The following ADGRV1 variants were observed in gnomAD, a reference collection of about 807,000 sequenced individuals.
ADGRV1 encodes G-protein coupled receptor 98.
In ADGRV1, 359 loss-of-function variants were observed where a neutral mutation model predicts 596.2. The ratio of observed to expected loss-of-function variants is 0.60; its 90% confidence interval spans 0.55 to 0.66. The LOEUF (loss-of-function observed/expected upper bound fraction) is 0.66. Ranked by LOEUF, ADGRV1 falls within the 30% of genes least tolerant of loss-of-function variation. The pLI, the probability that ADGRV1 is intolerant of heterozygous loss-of-function variation, is 0.00. For synonymous variants in ADGRV1, 2,681 were observed against 2,679.2 expected (o/e 1.00, Z -0.02); for missense variants, 7,274 against 7,575.6 (o/e 0.96, Z 1.48).
intron 9 of ADGRV1, among the ~76,000 whole-genome samples, chr5:90,631,855 A>G (rs1765540301): frequency 6.6e-6 from 1 of 152,212 alleles, no homozygotes; most frequent in Admixed American, 6.5e-5. Context: ...TTTAGAAACT[A>G]AAAACAAAAA....
chr5:91,153,468 C>A, intron 89 of ADGRV1, 70 bp downstream of exon 89: 1 of 1,183,806 alleles, frequency 8.4e-7, no homozygotes, highest in Non-Finnish European at 1.2e-6. Flanking sequence ...ATTTTCTTTC[C>A]ATGAAGTTGC....
intron 65 of ADGRV1, 97 bp downstream of exon 65, chr5:90,781,675 G>T (rs1204496179): frequency 6.1e-6 from 7 of 1,152,732 alleles, no homozygotes; most frequent in South Asian, 3.2e-5. Context: ...GTTTGGTGTG[G>T]GTGTGTGTGT....
At chr5:90,968,834 C>A (rs1328629654) in intron 84 of ADGRV1, among the ~76,000 whole-genome samples, 1 of 152,080 alleles carries the variant, frequency 6.6e-6, no homozygotes, top group Admixed American at 6.5e-5. Flanking sequence ...GATTCTACTT[C>A]ATTTTTTTAG....
At chr5:90,989,268 G>C (rs886327201) in intron 85 of ADGRV1, among the ~76,000 whole-genome samples, 2 of 152,100 alleles carry the variant, frequency 1.3e-5, no homozygotes, top group Non-Finnish European at 2.9e-5. Context: ...CAGTGTAAAA[G>C]TGTTCCTATT....
chr5:90,612,248 T>A (rs549615020), intron 1 of ADGRV1, among the ~76,000 whole-genome samples: 1 of 152,080 alleles, frequency 6.6e-6, no homozygotes, highest in Non-Finnish European at 1.5e-5. Flanking sequence ...AAGAGAGCTG[T>A]AGTGTCATTT....
intron 83 of ADGRV1, among the ~76,000 whole-genome samples, chr5:90,957,921 G>A (rs554306810): frequency 3.3e-4 from 50 of 151,580 alleles, no homozygotes; most frequent in Middle Eastern, 6.8e-3. Flanking sequence ...CAAGTCAAAA[G>A]GATAATATAT....
chr5:91,149,753 A>G (rs1473793181), intron 87 of ADGRV1, among the ~76,000 whole-genome samples: 2 of 142,776 alleles, frequency 1.4e-5, no homozygotes, highest in Non-Finnish European at 3.0e-5. Context: ...GAATCACTTG[A>G]GTCTGAGAGG....
At chr5:90,598,176 C>T (rs1461372370) in intron 1 of ADGRV1, among the ~76,000 whole-genome samples, 14 of 152,200 alleles carry the variant, frequency 9.2e-5, no homozygotes, top group Non-Finnish European at 1.5e-5. Flanking sequence ...CCTTGATTTT[C>T]GTCATGTTTA....
intron 85 of ADGRV1, among the ~76,000 whole-genome samples, chr5:90,991,238 G>A (rs1780933475): frequency 6.6e-6 from 1 of 152,112 alleles, no homozygotes; most frequent in East Asian, 1.9e-4. Context: ...AGGTTGTTTT[G>A]TACTTCTAAA....
intron 64 of ADGRV1, among the ~76,000 whole-genome samples, chr5:90,780,407 C>T (rs1758712463): frequency 6.6e-6 from 1 of 152,086 alleles, no homozygotes; most frequent in Admixed American, 6.6e-5. Context: ...TTCAACCTTT[C>T]AACTCTAGGT....
chr5:90,570,242 C>T (rs1341005150), intron 1 of ADGRV1, among the ~76,000 whole-genome samples: 3 of 152,116 alleles, frequency 2.0e-5, no homozygotes, highest in South Asian at 4.1e-4. Flanking sequence ...TGTCTTTCAG[C>T]ACTTTGAATA....
chr5:90,760,778 A>T (rs1756432653), intron 58 of ADGRV1, among the ~76,000 whole-genome samples: 1 of 152,136 alleles, frequency 6.6e-6, no homozygotes, highest in Admixed American at 6.5e-5. Context: ...CCACAAAGAG[A>T]GAGAGAGAAA....
intron 44 of ADGRV1, 71 bp downstream of exon 44, chr5:90,720,294 A>G (rs1305891065): frequency 6.1e-6 from 6 of 977,526 alleles, no homozygotes; most frequent in East Asian, 5.3e-5. Context: ...ACATAAGAAA[A>G]TGCAGAAGGA....
chr5:90,957,746 G>T (rs1169078866), intron 83 of ADGRV1, among the ~76,000 whole-genome samples: 1 of 150,960 alleles, frequency 6.6e-6, no homozygotes, highest in Non-Finnish European at 1.5e-5. Flanking sequence ...TAGCAAAGTA[G>T]TGTGAGGTTT....
intron 83 of ADGRV1, among the ~76,000 whole-genome samples, chr5:90,933,822 A>G (rs536486772): frequency 8.5e-5 from 13 of 152,264 alleles, no homozygotes; most frequent in African/African-American, 2.9e-4. Context: ...TGTGAGGAAT[A>G]TAACTATTTG....
chr5:90,969,035 C>G (rs1026320835), intron 84 of ADGRV1, among the ~76,000 whole-genome samples: 5 of 151,728 alleles, frequency 3.3e-5, no homozygotes, highest in Non-Finnish European at 7.4e-5. Flanking sequence ...ACTTTTATAT[C>G]CTATACTTTT....
intron 86 of ADGRV1, among the ~76,000 whole-genome samples, chr5:91,092,824 G>A (rs538685705): frequency 6.6e-6 from 1 of 152,282 alleles, no homozygotes; most frequent in Non-Finnish European, 1.5e-5. Flanking sequence ...ACAATTGCAG[G>A]GTATCTATAG....
intron 88 of ADGRV1, among the ~76,000 whole-genome samples, chr5:91,152,310 T>C (rs552747319): frequency 6.6e-6 from 1 of 152,342 alleles, no homozygotes; most frequent in East Asian, 1.9e-4. Context: ...TTTTAATCAT[T>C]CAATCAAAAA....
intron 58 of ADGRV1, among the ~76,000 whole-genome samples, chr5:90,761,707 C>G (rs1756530161): frequency 6.6e-6 from 1 of 152,152 alleles, no homozygotes; most frequent in Non-Finnish European, 1.5e-5. Flanking sequence ...TTCAATTTGT[C>G]TTAGAGTCTA....
Sources: gnomAD v4.1 joint callset for allele counts (sites outside exome capture counted in the v4.1 genomes callset) on GRCh38, gnomAD v4.1.1 for gene constraint, MANE v1.5 for transcripts, NCBI Gene and HGNC (gene_info 2026-07-23, HGNC 2026-07-21) for gene names.